Variants in GMDS observed in about 807,000 individuals in gnomAD.
GMDS encodes the protein GDP-mannose 4,6 dehydratase.
Under a neutral mutation model 49.9 loss-of-function variants are expected in GMDS, and 20 were observed. The observed-to-expected ratio is 0.40, with a 90% CI of 0.28 to 0.58. The LOEUF (loss-of-function observed/expected upper bound fraction) is 0.58, where lower values mean the gene tolerates loss of function less well. Ranked by LOEUF, GMDS falls within the 20% of genes least tolerant of loss-of-function variation. The pLI, the probability that GMDS is intolerant of heterozygous loss-of-function variation, is 0.42. For synonymous variants in GMDS, 177 were observed against 178.6 expected (o/e 0.99, Z 0.07); for missense variants, 362 against 481.4 (o/e 0.75, Z 2.32).
Position 2,191,274 on chromosome 6 carries a change from G to A in GMDS, c.102+54047C>T, listed in dbSNP as rs1779004701. ...CCTGGGGAAGGGCCGCAAGCGGGATGAGGGGGAGCTCTAGGCTGCCCCTGA... is the reference window on the plus strand; with the variant it reads ...CCTGGGGAAGGGCCGCAAGCGGGATAAGGGGGAGCTCTAGGCTGCCCCTGA... On this transcript the variant is annotated intron_variant, in intron 1 of 10. Transcript: ENST00000380815. The surrounding 1 kb of genome is among the most constrained non-coding windows in gnomAD (Gnocchi z 4.6). 6.6e-6 allele frequency among the ~76,000 whole-genome samples: 1 copy of A among 152,158 alleles called. No homozygotes were observed. Among genetic ancestry groups the A allele is most frequent in the Non-Finnish European group, 1.5e-5 (1 of 67,996 alleles).
chr6:2,065,194 A>T (rs1435281798), intron 4 of GMDS, among the ~76,000 whole-genome samples: 1 of 152,196 alleles, frequency 6.6e-6, no homozygotes, highest in Non-Finnish European at 1.5e-5. Flanking sequence ...GTACTCCAAC[A>T]GACCTGCAGC....
intron 7 of GMDS, among the ~76,000 whole-genome samples, chr6:1,817,808 AC>A (rs1339131409): frequency 6.6e-6 from 1 of 152,170 alleles, no homozygotes; most frequent in South Asian, 2.1e-4. Flanking sequence ...GCACCCTAGG[AC>A]GGAGGTAAAA....
intron 9 of GMDS, 103 bp downstream of exon 9, chr6:1,726,313 T>A: frequency 1.3e-6 from 1 of 760,482 alleles, no homozygotes; most frequent in South Asian, 1.5e-5. Context: ...GCCAGGGAGC[T>A]GAACTGACAG....
chr6:2,153,642 A>T (rs1776955629), intron 1 of GMDS, among the ~76,000 whole-genome samples: 1 of 152,160 alleles, frequency 6.6e-6, no homozygotes, highest in South Asian at 2.1e-4. Flanking sequence ...AAAATGAAAT[A>T]CTATATTGTT....
At chr6:1,745,223 C>A (rs1243119028) in intron 7 of GMDS, among the ~76,000 whole-genome samples, 1 of 152,170 alleles carries the variant, frequency 6.6e-6, no homozygotes, top group Non-Finnish European at 1.5e-5. Context: ...AGAAACAGTC[C>A]GCTGTGTTAG....
At chr6:1,653,566 C>T (rs1376879712) in intron 9 of GMDS, among the ~76,000 whole-genome samples, 3 of 152,134 alleles carry the variant, frequency 2.0e-5, no homozygotes, top group Non-Finnish European at 4.4e-5. Context: ...TACAAAGATA[C>T]AGTAATCACA....
At chr6:2,154,613 G>A (rs778636083) in intron 1 of GMDS, among the ~76,000 whole-genome samples, 1 of 151,750 alleles carries the variant, frequency 6.6e-6, no homozygotes, top group Non-Finnish European at 1.5e-5. Context: ...TAGGCCACTC[G>A]ACTCCAGACA....
chr6:1,781,050 G>A (rs142706174), intron 7 of GMDS, among the ~76,000 whole-genome samples: 4 of 152,044 alleles, frequency 2.6e-5, no homozygotes, highest in South Asian at 2.1e-4. Flanking sequence ...TAAAAGCATC[G>A]AATCCCAAGC....
At chr6:1,638,959 ATCT>A (rs1026374308) in intron 9 of GMDS, among the ~76,000 whole-genome samples, 2 of 152,136 alleles carry the variant, frequency 1.3e-5, no homozygotes, top group African/African-American at 4.8e-5. Flanking sequence ...ACACCTTGAA[ATCT>A]TCTTATTCCA....
rs116794321 is a variant in GMDS, at chr6:2,094,434, T to G, written c.345+21337A>C. Among the ~76,000 whole-genome samples, 316 of 152,360 alleles carry G rather than the reference T, an allele frequency of 2.1e-3. 5 individuals carry two copies. In the East Asian group the frequency reaches 0.046, roughly 22 times the overall value. On this transcript the variant is annotated intron_variant, in intron 4 of 10. Coordinates refer to ENST00000380815, the MANE Select transcript of GMDS (RefSeq NM_001500.4). ...ATATCTGAGGAAAACACAGGCATTT[T>G]AATTGTCACTCAACAGCATGGCATG... is the stretch of plus-strand genomic sequence containing the variant.
chr6:1,836,834 C>T lies in GMDS; in HGVS notation c.771+93269G>A, dbSNP rs1432978586. On this transcript the variant is annotated intron_variant, in intron 7 of 10. Coordinates refer to ENST00000380815, the MANE Select transcript of GMDS (RefSeq NM_001500.4). This position sits in a 1 kb window ranked among gnomAD's most constrained non-coding sequence, Gnocchi z 4.2. ...CTATCACAAAGTTACAATTTCTGTG[C>T]AGAGCAAGAGCTGTCAGGAAAAAGG... Among the ~76,000 whole-genome samples, 5 of 152,292 alleles carry T rather than the reference C, an allele frequency of 3.3e-5. No homozygotes were observed. The South Asian group carries it at 8.3e-4, about 25-fold the overall frequency.
chr6:1,927,167 G>A (rs202051290), intron 7 of GMDS, among the ~76,000 whole-genome samples: 313 of 54,756 alleles, frequency 5.7e-3, no homozygotes, highest in African/African-American at 0.015. Context: ...AGAGGGTAGC[G>A]TGTTGGTGTA....
intron 7 of GMDS, among the ~76,000 whole-genome samples, chr6:1,832,329 G>C (rs552842278): frequency 3.4e-4 from 52 of 152,080 alleles, no homozygotes; most frequent in Middle Eastern, 3.4e-3. Context: ...GGAGTTTGAG[G>C]TTGCAGTGAG....
chr6:2,174,113 C>T (rs1327145464), intron 1 of GMDS, among the ~76,000 whole-genome samples: 1 of 152,156 alleles, frequency 6.6e-6, no homozygotes, highest in Non-Finnish European at 1.5e-5. Context: ...TGGGCGGTCT[C>T]ACTCATTCAA....
intron 7 of GMDS, among the ~76,000 whole-genome samples, chr6:1,912,332 C>T (rs1452927615): frequency 6.6e-6 from 1 of 152,170 alleles, no homozygotes; most frequent in Non-Finnish European, 1.5e-5. Context: ...CGCCACTGCA[C>T]TCCAGCCTGG....
At chr6:2,080,944 C>T (rs938587623) in intron 4 of GMDS, among the ~76,000 whole-genome samples, 2 of 152,038 alleles carry the variant, frequency 1.3e-5, no homozygotes, top group Non-Finnish European at 2.9e-5. Context: ...GCTACAAGAT[C>T]GCAATTTCAT....
intron 4 of GMDS, among the ~76,000 whole-genome samples, chr6:1,964,917 T>C (rs1203371496): frequency 1.3e-5 from 2 of 152,052 alleles, no homozygotes; most frequent in African/African-American, 2.4e-5. Context: ...TGAGAACATG[T>C]GGTGTTTGGT....
chr6:1,743,522 G>T (rs1397226651), intron 7 of GMDS, among the ~76,000 whole-genome samples: 2 of 125,268 alleles, frequency 1.6e-5, no homozygotes, highest in Non-Finnish European at 1.7e-5. Flanking sequence ...CAGCCTGGAC[G>T]ACAGAACCAG....
intron 6 of GMDS, among the ~76,000 whole-genome samples, chr6:1,950,015 G>T (rs747989109): frequency 6.6e-6 from 1 of 152,252 alleles, no homozygotes. Context: ...CTTCTACAGT[G>T]CATGATTTGA....
Sources: allele counts gnomAD v4.1 joint callset (sites outside exome capture counted in the v4.1 genomes callset), GRCh38; gene constraint gnomAD v4.1.1; non-coding constraint Gnocchi (gnomAD v3.1); transcripts MANE v1.5; gene names NCBI Gene and HGNC (gene_info 2026-07-23, HGNC 2026-07-21).